MIP: variants seen among roughly 807,000 people sequenced by gnomAD.
The protein encoded by MIP is lens fiber major intrinsic protein.
MIP carries 14 observed loss-of-function variants against 21.8 expected under a neutral mutation model. The observed-to-expected ratio is 0.64, with a 90% CI of 0.42 to 1.00. The LOEUF (loss-of-function observed/expected upper bound fraction) is 1.00, where lower values mean the gene tolerates loss of function less well. Among genes scored for constraint, MIP ranks in the 50% least tolerant of loss-of-function variants. MIP has a pLI of 0.00. For missense variants in MIP, 260 were observed against 333.5 expected, an observed-to-expected ratio of 0.78 and a Z score of 1.72; for synonymous variants, 133 against 141.4, an observed-to-expected ratio of 0.94 and a Z score of 0.42.
rs760722691 is a variant in MIP at position 56,454,291 on chromosome 12, G to A, written c.323C>T (p.Thr108Ile). 14 of 1,614,114 alleles carry A rather than the reference G, an allele frequency of 8.7e-6. No individual in the cohort carries two copies. The highest frequency in any genetic ancestry group is 2.2e-5 in the East Asian group (1 of 44,878). ...VAGAAVLYSV[T>I]PPAVRGNLAL... ...TAGGTTTCCTCGGACAGCAGGTGGGGTAACGCTATACAGCACAGCGGCCCC... is the reference window on the plus strand; with the variant it reads ...TAGGTTTCCTCGGACAGCAGGTGGGATAACGCTATACAGCACAGCGGCCCC... Residue 108 changes from threonine to isoleucine, a missense_variant, in exon 1 of 4, where the codon ACC (threonine) becomes ATC (isoleucine). Thr to Ile is a moderately conservative substitution (Grantham distance 89, BLOSUM62 -1). Coordinates refer to ENST00000652304, the MANE Select transcript of MIP (RefSeq NM_012064.4).
chr12:56,451,403 G>C lies in MIP; in HGVS notation c.669C>G (p.Leu223=). ...GLGSLLYDFL[L]FPRLKSISER... is the part of the protein sequence containing the mutation. ...CAGAAATACTCTTGAGCCGGGGGAA[G>C]AGAAGAAAGTCGTACAGGAGGCTGC... Residue 223 remains leucine (L), a synonymous_variant, in exon 4 of 4, where the codon CTC becomes CTG. Coordinates refer to ENST00000652304, the MANE Select transcript of MIP (RefSeq NM_012064.4). The C allele has an allele frequency of 6.2e-7, 1 of 1,614,190 alleles. No homozygotes were observed. Among genetic ancestry groups the C allele is most frequent in the Non-Finnish European group, 8.5e-7 (1 of 1,180,030 alleles).
chr12:56,454,533 C>G lies in MIP; in HGVS notation c.81G>C (p.Gly27=). 6.2e-7 allele frequency: 1 copy of G among 1,613,376 alleles called. No homozygotes were observed. Among genetic ancestry groups the G allele is most frequent in the South Asian group, 1.1e-5 (1 of 90,934 alleles). The change falls in exon 1 of 4, where the codon GGG becomes GGC. Residue 27 remains glycine (G), a synonymous_variant. Transcript: ENST00000652304. ...GAGCCCAGCGCAGTGAGGACCCCAG[C>G]CCAAAGAAGACATAGAAGAGGGTGG... ...FFATLFYVFF[G]LGSSLRWAPG... is the part of the protein sequence containing the mutation.
chr12:56,452,813 G>T (rs957138906), intron 3 of MIP: 9 of 527,224 alleles, frequency 1.7e-5, no homozygotes, highest in East Asian at 6.7e-5. Flanking sequence ...CTTCATACCC[G>T]CTAGTTCAGC....
chr12:56,454,702 C>G (rs1213858013), upstream of MIP: 1 of 1,550,196 alleles, frequency 6.5e-7, no homozygotes, highest in African/African-American at 1.4e-5. Flanking sequence ...GACTCTTAAT[C>G]CCTGGGAGGG....
rs200894275 is a variant in MIP at position 56,451,335 on chromosome 12, T to C, written c.737A>G (p.Asn246Ser). 10 of 1,613,978 alleles carry C rather than the reference T, an allele frequency of 6.2e-6. No homozygotes were observed. The highest frequency in any genetic ancestry group is 4.2e-6 in the Non-Finnish European group (5 of 1,180,038). The change falls in exon 4 of 4, where the codon AAT (asparagine) becomes AGT (serine). Residue 246 changes from asparagine (N) to serine (S), a missense_variant. Physicochemically the swap from Asn to Ser is conservative, Grantham distance 46. Transcript: ENST00000652304. ...VLKGAKPDVS[N>S]GQPEVTGEPV... ...TTCCCCTGTGACCTCTGGTTGTCCA[T>C]TGGAGACATCGGGTTTGGCACCCTT...
In MIP at chr12:56,454,254, C is replaced by A; in HGVS notation, c.360G>T (p.Thr120=). The change falls in exon 1 of 4, where the codon ACG becomes ACT. Residue 120 remains threonine (T), a splice_region_variant and synonymous_variant. Coordinates refer to ENST00000652304, the MANE Select transcript of MIP (RefSeq NM_012064.4). ...CCATCCCCTCTCAGCCAACCATTAC[C>A]GTGTTGAGTGCTAGGTTTCCTCGGA... ...PAVRGNLALN[T]LHPAVSVGQA... The A allele has an allele frequency of 6.2e-7, 1 of 1,614,090 alleles. No individual in the cohort carries two copies. The highest frequency in any genetic ancestry group is 8.5e-7 in the Non-Finnish European group (1 of 1,180,038).
chr12:56,451,915 G>A (rs1440432252), intron 3 of MIP, among the ~76,000 whole-genome samples: 3 of 152,064 alleles, frequency 2.0e-5, no homozygotes, highest in African/African-American at 4.8e-5. Flanking sequence ...GGTGGCAGGC[G>A]CCTGAAATCC....
At position 56,451,158 on chromosome 12, in the gene MIP, C is replaced by A; in HGVS notation, c.*122G>T. On this transcript the variant is annotated 3_prime_UTR_variant, in exon 4 of 4. Transcript: ENST00000652304. ...AAAAAAAAAAAAAAACAACCACATA[C>A]ATAAGTTAAAAAATAAAGAAGTACA... 18 of 758,596 alleles carry A rather than the reference C, an allele frequency of 2.4e-5. No homozygotes were observed. Among genetic ancestry groups the A allele is most frequent in the Non-Finnish European group, 3.2e-5 (15 of 461,802 alleles). The allele number at this position is 758,596 out of a possible 1,614,324, so 47.0% of individuals were successfully genotyped here. A position where few individuals can be genotyped will look rare whatever the true frequency, so the allele number is the denominator to read the frequency against.
In MIP at chr12:56,453,769, G is replaced by C. The variant is rs1426576280; in HGVS notation, c.361-14C>G. ...CGCAGGGTGCAACTGTGCAAAGGAA[G>C]AAGAAGAGAGACAGCTCAGGAGGGC... On this transcript the variant is annotated splice_polypyrimidine_tract_variant and intron_variant, in intron 1 of 3. Coordinates refer to ENST00000652304, the MANE Select transcript of MIP (RefSeq NM_012064.4). The C allele has an allele frequency of 1.9e-6, 3 of 1,610,832 alleles. No homozygotes were observed. In the Admixed American group the frequency reaches 5.0e-5, roughly 27 times the overall value.
At position 56,453,134 on chromosome 12, in the gene MIP, C is replaced by T; in HGVS notation, c.544G>A (p.Gly182Ser). 1.2e-6 allele frequency: 2 copies of T among 1,613,266 alleles called. No homozygotes were observed. Among genetic ancestry groups the T allele is most frequent in the East Asian group, 4.5e-5 (2 of 44,878 alleles). ...HLFGMYYTGA[G>S]MNPARSFAPA... Reference sequence around the variant, plus strand: ...GCAAAGGAGCGGGCAGGATTCATGCCTGCACCAGTATAATACATCTGCAAA... The same window carrying T: ...GCAAAGGAGCGGGCAGGATTCATGCTTGCACCAGTATAATACATCTGCAAA... The change falls in exon 3 of 4, where the codon GGC (glycine) becomes AGC (serine). Residue 182 changes from glycine to serine, a missense_variant. By Grantham distance (56) the Gly-to-Ser change is moderately conservative. Coordinates refer to ENST00000652304, the MANE Select transcript of MIP (RefSeq NM_012064.4).
rs774106797 is a variant in MIP at position 56,454,360 on chromosome 12, C to T, written c.254G>A (p.Arg85His). ...FLVGSQMSLL[R>H]AFCYMAAQLL... ...CTGGGCTGCCATATAGCAGAAGGCACGGAGCAGGGACATCTGGGAGCCCAC... is the reference window on the plus strand; with the variant it reads ...CTGGGCTGCCATATAGCAGAAGGCATGGAGCAGGGACATCTGGGAGCCCAC... Residue 85 changes from arginine (R) to histidine (H), a missense_variant, in exon 1 of 4, where the codon CGT becomes CAT. Transcript: ENST00000652304. 7.4e-6 allele frequency: 12 copies of T among 1,613,958 alleles called. No homozygotes were observed. Among genetic ancestry groups the T allele is most frequent in the Admixed American group, 1.7e-5 (1 of 60,006 alleles).
chr12:56,452,729 G>A (rs1565694048), intron 3 of MIP: 4 of 370,750 alleles, frequency 1.1e-5, no homozygotes, highest in South Asian at 2.4e-5. Context: ...GAATGGGGCT[G>A]AGGCCCATCT....
At chr12:56,451,514 G>A in intron 3 of MIP, 49 bp from the exon 4 acceptor site, 2 of 1,528,692 alleles carry the variant, frequency 1.3e-6, no homozygotes, top group Admixed American at 1.7e-5. Context: ...GGACAGAGTA[G>A]CAACGCTGCT....
upstream of MIP, among the ~76,000 whole-genome samples, chr12:56,455,988 C>T (rs1288916116): frequency 6.6e-6 from 1 of 152,116 alleles, no homozygotes; most frequent in Non-Finnish European, 1.5e-5. Flanking sequence ...GTAGAGGGTC[C>T]ATCTAACCTA....
At chr12:56,453,309 G>T (rs937106875) in intron 2 of MIP, among the ~76,000 whole-genome samples, 157 bp from the exon 3 acceptor site, 5 of 152,188 alleles carry the variant, frequency 3.3e-5, no homozygotes, top group Non-Finnish European at 5.9e-5. Flanking sequence ...CCTGCAATGG[G>T]GTGAGGGCAA....
chr12:56,453,483 C>T, intron 2 of MIP, 108 bp downstream of exon 2: 1 of 1,260,638 alleles, frequency 7.9e-7, no homozygotes, highest in Non-Finnish European at 1.1e-6. Context: ...GTGCAATGGA[C>T]AATGTTCATG....
rs1394218147 is a variant in MIP at position 56,454,419 on chromosome 12, G to T, written c.195C>A (p.Ala65=). The T allele has an allele frequency of 6.2e-7, 1 of 1,614,132 alleles. No homozygotes were observed. Among genetic ancestry groups the T allele is most frequent in the Non-Finnish European group, 8.5e-7 (1 of 1,180,030 alleles). Residue 65 remains alanine (A), a synonymous_variant, in exon 1 of 4, where the codon GCC becomes GCA. Coordinates refer to ENST00000652304, the MANE Select transcript of MIP (RefSeq NM_012064.4). ...CAAAAGTGACTGCAGGATTGACGTGGGCTCCACTGATGTGGCCCACAGACT... is the reference window on the plus strand; with the variant it reads ...CAAAAGTGACTGCAGGATTGACGTGTGCTCCACTGATGTGGCCCACAGACT... The part of the protein sequence containing the change: ...LVQSVGHISG[A]HVNPAVTFAF...
At chr12:56,453,443 G>A in intron 2 of MIP, 148 bp downstream of exon 2, 4 of 890,774 alleles carry the variant, frequency 4.5e-6, no homozygotes, top group Non-Finnish European at 7.3e-6. Context: ...GAGGGATAGG[G>A]CAGAGTTGAT....
rs36032520 is a variant in MIP at position 56,453,600 on chromosome 12, G to A, written c.516C>T (p.His172=). The change falls in exon 2 of 4, where the codon CAC becomes CAT. Residue 172 remains histidine (H), a synonymous_variant. Coordinates refer to ENST00000652304, the MANE Select transcript of MIP (RefSeq NM_012064.4). The part of the protein sequence containing the change: ...LAVGFSLALG[H]LFGMYYTGAG... ...TCTCCTTCCTGCTTACCCCAAAGAG[G>A]TGCCCCAGGGCAAGGGAGAAGCCAA... 3.8e-4 allele frequency: 607 copies of A among 1,614,276 alleles called. 5 individuals carry two copies. The African/African-American group carries it at 7.5e-3, about 20-fold the overall frequency.
Sources: gnomAD v4.1 joint callset for allele counts (sites outside exome capture counted in the v4.1 genomes callset) on GRCh38, gnomAD v4.1.1 for gene constraint, MANE v1.5 for transcripts, NCBI Gene and HGNC (gene_info 2026-07-23, HGNC 2026-07-21) for gene names.